CD109: variants seen among roughly 807,000 people sequenced by gnomAD.
CD109 encodes CD109 molecule, also known as CD109 antigen.
CD109 carries 149 observed loss-of-function variants against 165.8 expected under a neutral mutation model. That is an observed-to-expected ratio of 0.90 (90% CI 0.79 to 1.03). The LOEUF (loss-of-function observed/expected upper bound fraction) is 1.03. CD109 is among the 50% of genes least tolerant of loss of function. The pLI is 0.00. For synonymous variants in CD109, 585 were observed against 592.1 expected (o/e 0.99, Z 0.18); for missense variants, 1,712 against 1,677.8 (o/e 1.02, Z -0.36).
intron 4 of CD109, among the ~76,000 whole-genome samples, chr6:73,732,170 T>C (rs1291378895): frequency 6.6e-6 from 1 of 152,208 alleles, no homozygotes; most frequent in Non-Finnish European, 1.5e-5. Context: ...GGAACCTCCT[T>C]AGTCTCAGGA....
Position 73,706,405 on chromosome 6 carries a change from G to A in CD109, c.247+8833G>A, listed in dbSNP as rs567976867. Among the ~76,000 whole-genome samples the A allele has an allele frequency of 1.7e-3, 256 of 152,262 alleles. 1 individual carries two copies. Among genetic ancestry groups the A allele is most frequent in the Non-Finnish European group, 2.8e-3 (189 of 68,018 alleles). ...CAGGGAGGAGAGAGAAGAGGAAAGG[G>A]CTGTTTACGATGAAGATATGCCTCA... On this transcript the variant is annotated intron_variant, in intron 2 of 32. Transcript: ENST00000287097.
At chr6:73,755,392 A>G (rs1773352527) in intron 5 of CD109, among the ~76,000 whole-genome samples, 1 of 152,210 alleles carries the variant, frequency 6.6e-6, no homozygotes, top group Admixed American at 6.5e-5. Context: ...TACACAATTT[A>G]TTTGTTAGCG....
At chr6:73,814,767 A>G (rs1041983206) in intron 29 of CD109, among the ~76,000 whole-genome samples, 1 of 152,176 alleles carries the variant, frequency 6.6e-6, no homozygotes, top group East Asian at 1.9e-4. Flanking sequence ...ATTACTTAAC[A>G]GTTTTCTCCA....
chr6:73,762,702 C>T, intron 8 of CD109, 39 bp from the exon 9 acceptor site: 3 of 1,525,538 alleles, frequency 2.0e-6, no homozygotes, highest in Non-Finnish European at 2.7e-6. Context: ...ATTTGAATTG[C>T]TAAAATGGTA....
intron 7 of CD109, among the ~76,000 whole-genome samples, chr6:73,761,657 A>T (rs1002675720): frequency 6.6e-6 from 1 of 151,770 alleles, no homozygotes; most frequent in African/African-American, 2.4e-5. Flanking sequence ...AGTAGCTGGG[A>T]TTACAGGCAC....
At chr6:73,810,844 C>G (rs1775729394) in intron 27 of CD109, 148 bp from the exon 28 acceptor site, 3 of 744,536 alleles carry the variant, frequency 4.0e-6, no homozygotes, top group Non-Finnish European at 6.4e-6. Flanking sequence ...CTCCTGTACT[C>G]TAGGCCAAGG....
intron 2 of CD109, among the ~76,000 whole-genome samples, chr6:73,721,719 CTCTTTT>C (rs771520048): frequency 1.1e-4 from 16 of 151,750 alleles, no homozygotes; most frequent in South Asian, 2.1e-4. Flanking sequence ...TAAAGTGTTT[CTCTTTT>C]TCTTTTTATT....
chr6:73,787,090 A>G (rs1488690084), intron 20 of CD109, 144 bp from the exon 21 acceptor site: 3 of 600,610 alleles, frequency 5.0e-6, no homozygotes, highest in Non-Finnish European at 8.7e-6. Context: ...ATACTCTTTG[A>G]TACTCTCCTT....
chr6:73,791,220 T>TAA (rs1491066533), intron 22 of CD109, among the ~76,000 whole-genome samples: 6 of 107,790 alleles, frequency 5.6e-5, no homozygotes, highest in Non-Finnish European at 1.2e-4. Context: ...TATATATATA[T>TAA]AATTTTTTTT....
At chr6:73,734,033 T>C (rs567612289) in intron 4 of CD109, among the ~76,000 whole-genome samples, 2 of 152,336 alleles carry the variant, frequency 1.3e-5, no homozygotes, top group East Asian at 3.9e-4. Flanking sequence ...TTGCTCATAC[T>C]GTACATGGCT....
rs933176330 is a variant in CD109, at chr6:73,826,552, T to C, written c.*2919T>C. Reference sequence around the variant, plus strand: ...TCCACCATCTTATTACATTTAGTTATAGTTTTAAAAAAGAAATTCAAGCCC... The same window carrying C: ...TCCACCATCTTATTACATTTAGTTACAGTTTTAAAAAAGAAATTCAAGCCC... On this transcript the variant is annotated 3_prime_UTR_variant, in exon 33 of 33. Transcript: ENST00000287097. The C allele has an allele frequency of 6.6e-6, 1 of 152,196 alleles. No individual in the cohort carries two copies. The highest frequency in any genetic ancestry group is 1.5e-5 in the Non-Finnish European group (1 of 68,028). The allele number at this position is 152,196 out of a possible 1,614,324, so 9.4% of individuals were successfully genotyped here.
chr6:73,733,225 G>T (rs1341674718), intron 4 of CD109, among the ~76,000 whole-genome samples: 1 of 152,164 alleles, frequency 6.6e-6, no homozygotes, highest in African/African-American at 2.4e-5. Context: ...GCCTGAACTG[G>T]AGCCCCTGAC....
intron 5 of CD109, among the ~76,000 whole-genome samples, chr6:73,749,430 G>A (rs1262320005): frequency 3.9e-5 from 6 of 152,220 alleles, no homozygotes; most frequent in African/African-American, 1.4e-4. Context: ...AGGGCTGTGG[G>A]GCTGGGAGCA....
Position 73,764,183 on chromosome 6 carries a change from C to G in CD109, c.1107+498C>G, listed in dbSNP as rs186791459. On this transcript the variant is annotated intron_variant, in intron 10 of 32. Transcript: ENST00000287097. Reference sequence around the variant, plus strand: ...TATAGAGCCAAGAAGGGCTCAGTCCCTACCCTCAGGTTCACAGTTTTTGTG... The same window carrying G: ...TATAGAGCCAAGAAGGGCTCAGTCCGTACCCTCAGGTTCACAGTTTTTGTG... Among the ~76,000 whole-genome samples, 8 of 152,334 alleles carry G rather than the reference C, an allele frequency of 5.3e-5. No homozygotes were observed. In the East Asian group the frequency reaches 1.5e-3, roughly 29 times the overall value.
chr6:73,791,162 T>TATATATACACATAC (rs1562070942), intron 22 of CD109, among the ~76,000 whole-genome samples: 2 of 36,330 alleles, frequency 5.5e-5, no homozygotes, highest in Non-Finnish European at 1.0e-4. Flanking sequence ...TATATATATA[T>TATATATACACATAC]ATATATATAT....
chr6:73,714,143 A>T (rs772984943), intron 2 of CD109, among the ~76,000 whole-genome samples: 3 of 152,186 alleles, frequency 2.0e-5, no homozygotes, highest in African/African-American at 4.8e-5. Flanking sequence ...TTTTATTCCA[A>T]TGTGGGACAT....
chr6:73,720,669 C>A (rs9446995), intron 2 of CD109, among the ~76,000 whole-genome samples: 46,581 of 151,922 alleles, frequency 0.31, 7,176 homozygotes, highest in Admixed American at 0.35. Context: ...AAGAATAAAA[C>A]ATTTTCAGAG....
At chr6:73,810,518 T>C (rs936600423) in intron 27 of CD109, among the ~76,000 whole-genome samples, 2 of 151,964 alleles carry the variant, frequency 1.3e-5, no homozygotes, top group African/African-American at 4.8e-5. Flanking sequence ...CAGTTCCATA[T>C]AGCAAATATT....
intron 5 of CD109, among the ~76,000 whole-genome samples, chr6:73,742,564 C>G (rs1409081821): frequency 6.6e-6 from 1 of 152,258 alleles, no homozygotes; most frequent in Admixed American, 6.5e-5. Context: ...AGCTCCAGGT[C>G]TTTGCGTGAC....
Sources: allele counts gnomAD v4.1 joint callset (sites outside exome capture counted in the v4.1 genomes callset), GRCh38; gene constraint gnomAD v4.1.1; transcripts MANE v1.5; gene names NCBI Gene and HGNC (gene_info 2026-07-23, HGNC 2026-07-21).